GABRG3: variants seen among roughly 807,000 people sequenced by gnomAD.
GABRG3 encodes gamma-aminobutyric acid type A receptor subunit gamma3.
In GABRG3, 25 loss-of-function variants were observed where a neutral mutation model predicts 48.8. That is an observed-to-expected ratio of 0.51 (90% CI 0.37 to 0.72). The LOEUF (loss-of-function observed/expected upper bound fraction) is 0.72, where lower values mean the gene tolerates loss of function less well. Among genes scored for constraint, GABRG3 ranks in the 30% least tolerant of loss-of-function variants. The pLI is 0.00. For missense variants in GABRG3, 394 were observed against 577.9 expected, an observed-to-expected ratio of 0.68 and a Z score of 3.26; for synonymous variants, 227 against 217.6, an observed-to-expected ratio of 1.04 and a Z score of -0.38.
chr15:27,027,427 C>A (rs988296188), intron 3 of GABRG3, among the ~76,000 whole-genome samples: 6 of 152,204 alleles, frequency 3.9e-5, no homozygotes, highest in Non-Finnish European at 8.8e-5. Flanking sequence ...TTGTCAGGAG[C>A]TCCCCCCGCC....
chr15:27,117,263 T>C lies in GABRG3; in HGVS notation c.270+90442T>C, dbSNP rs4545785. On this transcript the variant is annotated intron_variant, in intron 3 of 9. Coordinates refer to ENST00000615808, the MANE Select transcript of GABRG3 (RefSeq NM_033223.5). Reference sequence around the variant, plus strand: ...TTTTCTTTGAAACTTTATTCTTGTCTTACATATGTAAATGTCTTTCCCACC... The same window carrying C: ...TTTTCTTTGAAACTTTATTCTTGTCCTACATATGTAAATGTCTTTCCCACC... Among the ~76,000 whole-genome samples the C allele has an allele frequency of 6.3e-3, 957 of 152,346 alleles. 7 individuals carry two copies. The highest frequency in any genetic ancestry group is 0.022 in the African/African-American group (898 of 41,584).
intron 3 of GABRG3, among the ~76,000 whole-genome samples, chr15:27,211,656 T>C (rs1236771375): frequency 6.6e-6 from 1 of 152,186 alleles, no homozygotes; most frequent in East Asian, 1.9e-4. Context: ...CTAGCTAGAC[T>C]AGCCTGCTAA....
chr15:27,079,451 A>G (rs1896957961), intron 3 of GABRG3, among the ~76,000 whole-genome samples: 1 of 152,202 alleles, frequency 6.6e-6, no homozygotes, highest in Non-Finnish European at 1.5e-5. Flanking sequence ...ATTTTCATAC[A>G]GAAGCCACAA....
At chr15:27,267,556 C>G (rs921531529) in intron 3 of GABRG3, among the ~76,000 whole-genome samples, 2 of 152,056 alleles carry the variant, frequency 1.3e-5, no homozygotes, top group African/African-American at 4.8e-5. Context: ...CCTCCCACAT[C>G]AGCCTCCCAA....
chr15:27,271,659 C>T (rs1891095127), intron 3 of GABRG3: 1 of 455,220 alleles, frequency 2.2e-6, no homozygotes, highest in African/African-American at 2.0e-5. Flanking sequence ...CTCTTACAGC[C>T]TCCCCTGGGA....
At chr15:27,306,196 TTATAA>T (rs1892424149) in intron 3 of GABRG3, among the ~76,000 whole-genome samples, 1 of 133,758 alleles carries the variant, frequency 7.5e-6, no homozygotes, top group Non-Finnish European at 1.6e-5. Context: ...ATAAACATAT[TTATAA>T]TATAAACATA....
In GABRG3 at chr15:27,537,813, A is replaced by T. The variant is rs1353284616; in HGVS notation, c.*4932A>T. The stretch of plus-strand genomic sequence containing the variant: ...GCAGACTTTCTTTATATTTATTTTT[A>T]TTATTTATTTATTTATTTATTTATT... On this transcript the variant is annotated 3_prime_UTR_variant, in exon 10 of 10. Transcript: ENST00000615808. 4.7e-5 allele frequency: 7 copies of T among 147,822 alleles called. No homozygotes were observed. The highest frequency in any genetic ancestry group is 9.9e-5 in the African/African-American group (4 of 40,212). 9.2% of individuals were successfully genotyped at this position (147,822 alleles called of 1,614,324 possible).
chr15:27,219,450 T>G (rs1285059176), intron 3 of GABRG3, among the ~76,000 whole-genome samples: 1 of 152,200 alleles, frequency 6.6e-6, no homozygotes, highest in East Asian at 1.9e-4. Context: ...ACACATTCTG[T>G]GGGTCTGCCT....
intron 3 of GABRG3, among the ~76,000 whole-genome samples, chr15:27,125,158 T>A (rs1315128239): frequency 6.6e-6 from 1 of 152,202 alleles, no homozygotes; most frequent in Non-Finnish European, 1.5e-5. Flanking sequence ...AAAGAAATAT[T>A]TCAAATGAAA....
At position 26,975,227 on chromosome 15, in the gene GABRG3, T is replaced by C. The variant is rs563627917; in HGVS notation, c.54-1775T>C. On this transcript the variant is annotated intron_variant, in intron 1 of 9. Coordinates refer to ENST00000615808, the MANE Select transcript of GABRG3 (RefSeq NM_033223.5). The surrounding 1 kb of genome is among the most constrained non-coding windows in gnomAD (Gnocchi z 4.6). ...ACATTTAAAATTCTGTAGTATTACTTGTAAATGTTCACTTTAATAAATAAT... is the reference window on the plus strand; with the variant it reads ...ACATTTAAAATTCTGTAGTATTACTCGTAAATGTTCACTTTAATAAATAAT... Among the ~76,000 whole-genome samples the C allele has an allele frequency of 1.3e-5, 2 of 152,340 alleles. No individual in the cohort carries two copies. Among genetic ancestry groups the C allele is most frequent in the Admixed American group, 6.5e-5 (1 of 15,304 alleles).
At chr15:27,454,798 A>C (rs1191895835) in intron 5 of GABRG3, among the ~76,000 whole-genome samples, 1 of 152,226 alleles carries the variant, frequency 6.6e-6, no homozygotes. Flanking sequence ...TCTTGCAAAG[A>C]AACTTCAGTG....
chr15:27,241,557 A>G (rs1890127906), intron 3 of GABRG3, among the ~76,000 whole-genome samples: 1 of 152,228 alleles, frequency 6.6e-6, no homozygotes, highest in Admixed American at 6.5e-5. Context: ...TTAGCATGCA[A>G]ACCAGGCATT....
intron 3 of GABRG3, among the ~76,000 whole-genome samples, chr15:27,197,947 T>C (rs566639671): frequency 6.6e-6 from 1 of 152,330 alleles, no homozygotes; most frequent in East Asian, 1.9e-4. Flanking sequence ...GTGGGATTAG[T>C]AGTGATATCC....
intron 3 of GABRG3, among the ~76,000 whole-genome samples, chr15:27,139,656 G>T (rs1276266705): frequency 6.6e-6 from 1 of 152,070 alleles, no homozygotes; most frequent in Admixed American, 6.5e-5. Flanking sequence ...AACATTATTT[G>T]TGATACTATA....
At chr15:27,422,010 G>A (rs894141117) in intron 5 of GABRG3, among the ~76,000 whole-genome samples, 1 of 151,518 alleles carries the variant, frequency 6.6e-6, no homozygotes, top group Admixed American at 6.6e-5. Flanking sequence ...AGATATCCAT[G>A]GGAATGGGCT....
At chr15:27,336,743 C>A (rs1893990044) in intron 5 of GABRG3, among the ~76,000 whole-genome samples, 1 of 152,194 alleles carries the variant, frequency 6.6e-6, no homozygotes, top group Admixed American at 6.5e-5. Flanking sequence ...TTCTTAATAG[C>A]CTCAAACCAG....
intron 6 of GABRG3, among the ~76,000 whole-genome samples, chr15:27,516,026 T>C (rs905206512): frequency 1.3e-5 from 2 of 151,874 alleles, no homozygotes; most frequent in African/African-American, 4.8e-5. Flanking sequence ...ACCTAGAATT[T>C]AAAAATTGTA....
intron 6 of GABRG3, among the ~76,000 whole-genome samples, chr15:27,482,546 A>G (rs1408908233): frequency 6.6e-6 from 1 of 152,202 alleles, no homozygotes; most frequent in Non-Finnish European, 1.5e-5. Context: ...CTCTCAGATA[A>G]ATGCCCTTTT....
intron 5 of GABRG3, among the ~76,000 whole-genome samples, chr15:27,467,137 G>A (rs545745852): frequency 2.8e-4 from 43 of 152,130 alleles, no homozygotes; most frequent in Non-Finnish European, 4.3e-4. Flanking sequence ...CAGCAGACCC[G>A]GTGTCTGGTG....
Sources: gnomAD v4.1 joint callset for allele counts (sites outside exome capture counted in the v4.1 genomes callset) on GRCh38, gnomAD v4.1.1 for gene constraint, Gnocchi (gnomAD v3.1) non-coding constraint, MANE v1.5 for transcripts, NCBI Gene and HGNC (gene_info 2026-07-23, HGNC 2026-07-21) for gene names.